The following GLYATL1B variants were observed in gnomAD, a reference collection of about 807,000 sequenced individuals.
GLYATL1B encodes the protein putative glycine N-acyltransferase-like protein 1B.
In GLYATL1B, 6 loss-of-function variants were observed where a neutral mutation model predicts 5.5. The ratio of observed to expected loss-of-function variants is 1.09; its 90% CI spans 0.60 to 2.15. The LOEUF is 2.15. Among genes scored for constraint, GLYATL1B ranks in the 30% most tolerant of loss-of-function variants. The probability of loss-of-function intolerance (pLI) is 0.00; values close to 1 mark genes in which losing one functional copy is unlikely to be tolerated. For missense variants in GLYATL1B, 135 were observed against 94.1 expected (o/e 1.43, Z -1.80); for synonymous variants, 67 against 34.9 (o/e 1.92, Z -3.24).
intron 2 of GLYATL1B, 132 bp downstream of exon 2, chr11:59,087,303 T>A: frequency 2.5e-6 from 1 of 407,102 alleles, no homozygotes; most frequent in Middle Eastern, 6.3e-4. Flanking sequence ...CCTTCAGTAC[T>A]GGGCAGCTTG....
At chr11:59,093,783 T>A in intron 3 of GLYATL1B, 128 bp downstream of exon 3, 1 of 436,172 alleles carries the variant, frequency 2.3e-6, no homozygotes, top group Non-Finnish European at 4.1e-6. Flanking sequence ...CTGGGAGAGG[T>A]GGAGCAATCT....
intron 2 of GLYATL1B, among the ~76,000 whole-genome samples, chr11:59,091,737 T>C (rs1002539750): frequency 5.3e-5 from 8 of 152,180 alleles, no homozygotes; most frequent in African/African-American, 1.9e-4. Flanking sequence ...AAATGAATCG[T>C]TCTACCAAAA....
At chr11:59,089,241 A>G (rs1429017657) in intron 2 of GLYATL1B, among the ~76,000 whole-genome samples, 2 of 152,208 alleles carry the variant, frequency 1.3e-5, no homozygotes, top group East Asian at 3.9e-4. Context: ...AATGCTATTT[A>G]GTCAGTCATT....
intron 2 of GLYATL1B, among the ~76,000 whole-genome samples, chr11:59,090,237 C>G (rs757487687): frequency 2.8e-4 from 42 of 152,038 alleles, no homozygotes; most frequent in Non-Finnish European, 4.6e-4. Flanking sequence ...CTTCACTAAT[C>G]TTTTTCTTGC....
chr11:59,086,449 T>C (rs601586), intron 1 of GLYATL1B, 65 bp downstream of exon 1: 6,656 of 390,474 alleles, frequency 0.017, 119 homozygotes, highest in Non-Finnish European at 0.021. Flanking sequence ...ACTAACAGGC[T>C]CATGAATCTC....
chr11:59,089,375 G>A lies in GLYATL1B; in HGVS notation c.186+2204G>A, dbSNP rs573440416. 3.3e-5 allele frequency among the ~76,000 whole-genome samples: 5 copies of A among 152,236 alleles called. No individual in the cohort carries two copies. In the South Asian group the frequency reaches 1.0e-3, roughly 32 times the overall value. On this transcript the variant is annotated intron_variant, in intron 2 of 4. Coordinates refer to ENST00000527482, the MANE Select transcript of GLYATL1B (RefSeq NM_001355566.1). ...TTCTCAATGCAATTGGTTTCCAAAA[G>A]GGATAAGTCCAAGTCAGAGCTTATC...
chr11:59,093,401 C>T, intron 2 of GLYATL1B, 128 bp from the exon 3 acceptor site: 2 of 390,948 alleles, frequency 5.1e-6, no homozygotes, highest in East Asian at 7.3e-5. Context: ...ATCCACGTGC[C>T]CAACTGCAGC....
chr11:59,086,415 G>C, intron 1 of GLYATL1B, 31 bp downstream of exon 1: 2 of 398,554 alleles, frequency 5.0e-6, no homozygotes, highest in Non-Finnish European at 8.9e-6. Context: ...TGGGGTATGG[G>C]AGTAGGGGTG....
chr11:59,092,897 T>C (rs541388346), intron 2 of GLYATL1B, among the ~76,000 whole-genome samples: 16 of 152,354 alleles, frequency 1.1e-4, no homozygotes, highest in African/African-American at 3.6e-4. Flanking sequence ...AGTATCTTGC[T>C]CAAACCCTGG....
intron 2 of GLYATL1B, 149 bp from the exon 3 acceptor site, chr11:59,093,380 T>A: frequency 8.0e-6 from 3 of 375,340 alleles, no homozygotes; most frequent in Non-Finnish European, 1.4e-5. Flanking sequence ...CTTATAGGTC[T>A]CACTTATATT....
intron 2 of GLYATL1B, among the ~76,000 whole-genome samples, chr11:59,089,826 A>C (rs1357963842): frequency 1.3e-5 from 2 of 152,124 alleles, no homozygotes; most frequent in Non-Finnish European, 2.9e-5. Context: ...TTTTCATGTA[A>C]TCAAATATAT....
At chr11:59,094,173 A>G (rs1590875254) in intron 4 of GLYATL1B, 62 bp downstream of exon 4, 1 of 532,550 alleles carries the variant, frequency 1.9e-6, no homozygotes, top group East Asian at 3.2e-5. Context: ...TGTAATTCAC[A>G]TAAATCAGTT....
chr11:59,087,437 G>T (rs552843667), intron 2 of GLYATL1B, among the ~76,000 whole-genome samples: 1 of 152,220 alleles, frequency 6.6e-6, no homozygotes, highest in East Asian at 1.9e-4. Flanking sequence ...CTTTGAGGTG[G>T]CAGGGGTCAC....
intron 2 of GLYATL1B, among the ~76,000 whole-genome samples, chr11:59,087,744 G>C (rs1859220047): frequency 6.6e-6 from 1 of 152,132 alleles, no homozygotes; most frequent in Non-Finnish European, 1.5e-5. Flanking sequence ...ATACTCAGGA[G>C]ATGGAGGTGG....
At chr11:59,092,225 C>T (rs1859329862) in intron 2 of GLYATL1B, among the ~76,000 whole-genome samples, 1 of 149,322 alleles carries the variant, frequency 6.7e-6, no homozygotes, top group African/African-American at 2.5e-5. Context: ...AAGTTTATCT[C>T]TCTCTCTCTT....
At chr11:59,086,810 G>T (rs1032085126) in intron 1 of GLYATL1B, among the ~76,000 whole-genome samples, 3 of 152,158 alleles carry the variant, frequency 2.0e-5, no homozygotes, top group African/African-American at 7.2e-5. Context: ...CAATATAAGT[G>T]CTAAGTGCAT....
chr11:59,087,028 C>T (rs1177665075), intron 1 of GLYATL1B, 36 bp from the exon 2 acceptor site: 7 of 584,874 alleles, frequency 1.2e-5, no homozygotes, highest in African/African-American at 3.7e-5. Context: ...CTCTGGGGAT[C>T]TCAGCCTCTC....
intron 2 of GLYATL1B, among the ~76,000 whole-genome samples, chr11:59,090,451 T>C (rs1859284859): frequency 1.3e-5 from 2 of 152,044 alleles, no homozygotes; most frequent in Non-Finnish European, 2.9e-5. Context: ...TTCTGTTCTA[T>C]GCCATCTGGT....
At chr11:59,087,558 C>A (rs1235243214) in intron 2 of GLYATL1B, among the ~76,000 whole-genome samples, 4 of 152,104 alleles carry the variant, frequency 2.6e-5, no homozygotes, top group African/African-American at 9.7e-5. Context: ...AAAATTACAT[C>A]TCATGGCCAG....
Sources: gnomAD v4.1 joint callset for allele counts (sites outside exome capture counted in the v4.1 genomes callset) on GRCh38, gnomAD v4.1.1 for gene constraint, MANE v1.5 for transcripts, NCBI Gene and HGNC (gene_info 2026-07-23, HGNC 2026-07-21) for gene names.